The following TMEFF2 variants were observed in gnomAD, a reference collection of about 807,000 sequenced individuals.
The protein encoded by TMEFF2 is transmembrane protein with EGF like and two follistatin like domains 2.
Under a neutral mutation model 53.8 loss-of-function variants are expected in TMEFF2, and 28 were observed. The observed-to-expected ratio is 0.52, with a 90% CI of 0.39 to 0.71. TMEFF2 has a LOEUF of 0.71. Among genes scored for constraint, TMEFF2 ranks in the 30% least tolerant of loss-of-function variants. TMEFF2 has a pLI of 0.00. For missense variants in TMEFF2, 353 were observed against 455.2 expected (o/e 0.78, Z 2.04); for synonymous variants, 162 against 166.3 (o/e 0.97, Z 0.20).
intron 4 of TMEFF2, among the ~76,000 whole-genome samples, chr2:192,119,099 A>G (rs1324103870): frequency 6.6e-6 from 1 of 152,180 alleles, no homozygotes; most frequent in African/African-American, 2.4e-5. Context: ...CCAATGAATA[A>G]ATATTTTAGG....
At chr2:192,141,459 G>GAAAAA (rs397987092) in intron 4 of TMEFF2, among the ~76,000 whole-genome samples, 38 of 107,266 alleles carry the variant, frequency 3.5e-4, no homozygotes, top group East Asian at 7.3e-4. Flanking sequence ...TCTCAAAAAA[G>GAAAAA]AAAAAAAAAA....
intron 5 of TMEFF2, among the ~76,000 whole-genome samples, chr2:192,033,188 A>G (rs1338358220): frequency 6.6e-6 from 1 of 152,218 alleles, no homozygotes; most frequent in Non-Finnish European, 1.5e-5. Context: ...CAGGTAATCA[A>G]TAATGACAGA....
chr2:192,045,941 T>G (rs1041868841), intron 5 of TMEFF2, among the ~76,000 whole-genome samples: 3 of 152,228 alleles, frequency 2.0e-5, no homozygotes, highest in African/African-American at 4.8e-5. Context: ...ATCCACCATC[T>G]TGGTATTCCA....
intron 7 of TMEFF2, among the ~76,000 whole-genome samples, chr2:191,990,505 A>T (rs1686078538): frequency 6.6e-6 from 1 of 150,956 alleles, no homozygotes; most frequent in Non-Finnish European, 1.5e-5. Context: ...TTGAAATTAT[A>T]CAGAGCATTG....
intron 4 of TMEFF2, among the ~76,000 whole-genome samples, chr2:192,144,982 T>C (rs1053395978): frequency 2.0e-5 from 3 of 152,098 alleles, no homozygotes; most frequent in African/African-American, 7.2e-5. Context: ...CATTATTTGT[T>C]GATATACTTG....
chr2:191,989,228 C>T (rs1035507200), intron 7 of TMEFF2, among the ~76,000 whole-genome samples: 1 of 152,082 alleles, frequency 6.6e-6, no homozygotes, highest in South Asian at 2.1e-4. Context: ...TTCCGTGAAA[C>T]CAGGCCTCAA....
chr2:192,077,239 A>G (rs1688453430), intron 4 of TMEFF2, among the ~76,000 whole-genome samples: 1 of 152,166 alleles, frequency 6.6e-6, no homozygotes. Flanking sequence ...CAAACCCTTA[A>G]GGTTATGGAA....
At chr2:192,004,609 C>T (rs773530284) in intron 5 of TMEFF2, among the ~76,000 whole-genome samples, 6 of 151,518 alleles carry the variant, frequency 4.0e-5, no homozygotes, top group Admixed American at 2.6e-4. Context: ...AGTGAGACCC[C>T]GTCTCTAAAT....
At position 192,168,897 on chromosome 2, in the gene TMEFF2, C is replaced by T. The variant is rs550412144; in HGVS notation, c.439+10771G>A. On this transcript the variant is annotated intron_variant, in intron 4 of 9. Coordinates refer to ENST00000272771, the MANE Select transcript of TMEFF2 (RefSeq NM_016192.4). ...TTGTTACATTGCCCAGGCTAGAGTACGGTTGCTATTTATAGCCACTATCAT... is the reference window on the plus strand; with the variant it reads ...TTGTTACATTGCCCAGGCTAGAGTATGGTTGCTATTTATAGCCACTATCAT... 4.4e-4 allele frequency among the ~76,000 whole-genome samples: 67 copies of T among 152,042 alleles called. No homozygotes were observed. The East Asian group carries it at 0.012, about 26-fold the overall frequency.
intron 7 of TMEFF2, among the ~76,000 whole-genome samples, chr2:191,964,232 CCT>C: frequency 1.4e-4 from 1 of 7,386 alleles, no homozygotes; most frequent in African/African-American, 3.7e-4. Flanking sequence ...GTCTTTCTTT[CCT>C]TCCTTCCTTC....
chr2:191,970,227 T>C (rs1574254534), intron 7 of TMEFF2, among the ~76,000 whole-genome samples: 1 of 152,112 alleles, frequency 6.6e-6, no homozygotes. Context: ...ACTTTTTTTT[T>C]CTATCAGCAA....
chr2:192,193,272 G>C (rs982228846), intron 1 of TMEFF2, among the ~76,000 whole-genome samples: 3 of 152,054 alleles, frequency 2.0e-5, no homozygotes, highest in Non-Finnish European at 4.4e-5. Flanking sequence ...CACACCTAGG[G>C]GACAATACCC....
At chr2:192,030,300 T>C (rs527914989) in intron 5 of TMEFF2, 3 of 152,320 alleles carry the variant, frequency 2.0e-5, no homozygotes, top group Admixed American at 6.5e-5. Flanking sequence ...AGCATGTTGA[T>C]TGGTGTTCCC....
chr2:192,181,519 T>C (rs1174594676), intron 3 of TMEFF2, among the ~76,000 whole-genome samples: 1 of 151,794 alleles, frequency 6.6e-6, no homozygotes, highest in African/African-American at 2.4e-5. Context: ...AGAAATGTTA[T>C]TCAACCTTGC....
At position 191,999,072 on chromosome 2, in the gene TMEFF2, C is replaced by T. The variant is rs1469802216; in HGVS notation, c.673G>A (p.Gly225Ser). The T allele has an allele frequency of 6.2e-7, 1 of 1,608,858 alleles. No homozygotes were observed. Among genetic ancestry groups the T allele is most frequent in the Non-Finnish European group, 8.5e-7 (1 of 1,176,650 alleles). Reference protein sequence around the residue: ...KQEKIEVMSLGRCQDNTTTTT... With the variant: ...KQEKIEVMSLSRCQDNTTTTT... ...GTATGAACATTACCTTGACATCGAC[C>T]CAAAGACATGACTTCAATTTTCTCC... is the stretch of plus-strand genomic sequence containing the variant. The change falls in exon 6 of 10, where the codon GGT becomes AGT. Residue 225 changes from glycine (G) to serine (S), a missense_variant. By Grantham distance (56) the Gly-to-Ser change is moderately conservative. This residue lies in a region of TMEFF2 where 294 missense variants were observed against 397.3 expected (regional missense o/e 0.74). Coordinates refer to ENST00000272771, the MANE Select transcript of TMEFF2 (RefSeq NM_016192.4).
chr2:191,949,642 A>G lies in TMEFF2; in HGVS notation c.*669T>C, dbSNP rs1327013881. ...AGCTACTTCCCCAATAAAAACCAATATTTTCTTTCCCTCTCCTTTATGAGT... is the reference window on the plus strand; with the variant it reads ...AGCTACTTCCCCAATAAAAACCAATGTTTTCTTTCCCTCTCCTTTATGAGT... On this transcript the variant is annotated 3_prime_UTR_variant, in exon 10 of 10. Coordinates refer to ENST00000272771, the MANE Select transcript of TMEFF2 (RefSeq NM_016192.4). 2.0e-6 allele frequency: 2 copies of G among 984,936 alleles called. No individual in the cohort carries two copies. The highest frequency in any genetic ancestry group is 1.1e-4 in the East Asian group (1 of 8,814). The allele number at this position is 984,936 out of a possible 1,614,324, so 61.0% of individuals were successfully genotyped here. A position where few individuals can be genotyped will look rare whatever the true frequency, so the allele number is the denominator to read the frequency against.
At chr2:192,013,457 T>G (rs939664710) in intron 5 of TMEFF2, among the ~76,000 whole-genome samples, 8 of 147,230 alleles carry the variant, frequency 5.4e-5, no homozygotes, top group Non-Finnish European at 1.1e-4. Flanking sequence ...ATTACATACT[T>G]TTTTTTTTTT....
intron 4 of TMEFF2, among the ~76,000 whole-genome samples, chr2:192,159,041 G>T (rs4392190): frequency 0.75 from 113,255 of 151,940 alleles, 43,751 homozygotes; most frequent in Non-Finnish European, 0.87. Flanking sequence ...CAAAGGACTA[G>T]AAACTCCTCC....
At chr2:192,032,244 A>C (rs1415886973) in intron 5 of TMEFF2, 1 of 152,218 alleles carries the variant, frequency 6.6e-6, no homozygotes, top group Admixed American at 6.5e-5. Context: ...TCTCTTCACC[A>C]AGAAAATGAC....
Sources: allele counts gnomAD v4.1 joint callset (sites outside exome capture counted in the v4.1 genomes callset), GRCh38; gene constraint gnomAD v4.1.1; regional missense constraint gnomAD v4.1.1; transcripts MANE v1.5; gene names NCBI Gene and HGNC (gene_info 2026-07-23, HGNC 2026-07-21).